DNAJC1: variants seen among roughly 807,000 people sequenced by gnomAD.
DNAJC1 encodes DnaJ heat shock protein family (Hsp40) member C1.
Under a neutral mutation model 76.6 loss-of-function variants are expected in DNAJC1, and 58 were observed. That is an observed-to-expected ratio of 0.76 (90% CI 0.61 to 0.94). DNAJC1 has a LOEUF of 0.94. Among genes scored for constraint, DNAJC1 ranks in the 40% least tolerant of loss-of-function variants. The pLI is 0.00. For missense variants in DNAJC1, 689 were observed against 677.3 expected, an observed-to-expected ratio of 1.02 and a Z score of -0.19; for synonymous variants, 258 against 267.9, an observed-to-expected ratio of 0.96 and a Z score of 0.36.
At chr10:21,897,192 T>A (rs1167276484) in intron 7 of DNAJC1, among the ~76,000 whole-genome samples, 1 of 152,108 alleles carries the variant, frequency 6.6e-6, no homozygotes, top group Admixed American at 6.6e-5. Flanking sequence ...AGATGTAAAA[T>A]TCTTTAACAA....
chr10:21,808,695 G>A (rs1386926448), intron 8 of DNAJC1, among the ~76,000 whole-genome samples: 1 of 152,230 alleles, frequency 6.6e-6, no homozygotes, highest in Non-Finnish European at 1.5e-5. Flanking sequence ...TGGCCATGGT[G>A]TGAATGTACT....
At chr10:21,852,678 G>A (rs945025935) in intron 8 of DNAJC1, among the ~76,000 whole-genome samples, 1 of 151,836 alleles carries the variant, frequency 6.6e-6, no homozygotes, top group African/African-American at 2.4e-5. Flanking sequence ...TTTACCAGAC[G>A]TAAACCATAT....
intron 1 of DNAJC1, among the ~76,000 whole-genome samples, chr10:21,948,651 T>C (rs1837545762): frequency 6.6e-6 from 1 of 152,228 alleles, no homozygotes; most frequent in African/African-American, 2.4e-5. Context: ...TGTTCTATTA[T>C]TATTCCTGTT....
At chr10:21,842,446 T>C (rs990702335) in intron 8 of DNAJC1, among the ~76,000 whole-genome samples, 2 of 152,140 alleles carry the variant, frequency 1.3e-5, no homozygotes, top group African/African-American at 4.8e-5. Flanking sequence ...AGAAGTTTTT[T>C]AAAAAGCGTA....
Position 21,839,130 on chromosome 10 carries a change from T to C in DNAJC1, c.979-33031A>G, listed in dbSNP as rs201199284. ...GTAGAGGGAAATTTCTAGCACTAAA[T>C]GTCCACAAGAGAAAGCAGGAAAGAT... On this transcript the variant is annotated intron_variant, in intron 8 of 11. Coordinates refer to ENST00000376980, the MANE Select transcript of DNAJC1 (RefSeq NM_022365.4). Among the ~76,000 whole-genome samples the C allele has an allele frequency of 2.6e-5, 4 of 152,300 alleles. No individual in the cohort carries two copies. In the East Asian group the frequency reaches 7.7e-4, roughly 29 times the overall value.
At chr10:21,783,694 C>T (rs1488674148) in intron 9 of DNAJC1, among the ~76,000 whole-genome samples, 1 of 152,136 alleles carries the variant, frequency 6.6e-6, no homozygotes, top group Admixed American at 6.5e-5. Context: ...GTACTGATAC[C>T]AAAACAGAGA....
intron 9 of DNAJC1, among the ~76,000 whole-genome samples, chr10:21,779,250 G>A (rs1015687019): frequency 6.6e-6 from 1 of 152,164 alleles, no homozygotes; most frequent in Non-Finnish European, 1.5e-5. Flanking sequence ...GAGAGTAGTG[G>A]TTCTCCCAGA....
chr10:21,780,013 A>C (rs1006000157), intron 9 of DNAJC1, among the ~76,000 whole-genome samples: 2 of 152,204 alleles, frequency 1.3e-5, no homozygotes, highest in East Asian at 3.8e-4. Flanking sequence ...AGATCAAATG[A>C]ACGAAATGAA....
intron 9 of DNAJC1, among the ~76,000 whole-genome samples, chr10:21,797,974 T>C (rs1834767250): frequency 1.3e-5 from 2 of 152,218 alleles, no homozygotes; most frequent in South Asian, 4.1e-4. Context: ...ATGTTTTGTT[T>C]CTTCACATTT....
chr10:21,977,702 C>T (rs542036592), intron 1 of DNAJC1, among the ~76,000 whole-genome samples: 1 of 152,178 alleles, frequency 6.6e-6, no homozygotes, highest in East Asian at 1.9e-4. Flanking sequence ...ACATCCAATA[C>T]ATATTTAAGT....
At chr10:21,845,480 G>A (rs188776002) in intron 8 of DNAJC1, among the ~76,000 whole-genome samples, 152 of 151,434 alleles carry the variant, frequency 1.0e-3, no homozygotes, top group African/African-American at 3.3e-3. Context: ...TTAGCCTCCC[G>A]AGTAGCTGGG....
intron 7 of DNAJC1, among the ~76,000 whole-genome samples, chr10:21,899,550 CA>C (rs139364507): frequency 0.035 from 5,330 of 152,308 alleles, 164 homozygotes; most frequent in African/African-American, 0.069. Flanking sequence ...AAGGATCCCC[CA>C]ACAATGCAGC....
At chr10:21,902,430 G>A (rs911603420) in intron 7 of DNAJC1, among the ~76,000 whole-genome samples, 5 of 151,796 alleles carry the variant, frequency 3.3e-5, no homozygotes, top group South Asian at 4.2e-4. Context: ...TCAGCCTCCC[G>A]AATAGTGGGG....
rs202148715 is a variant in DNAJC1, at chr10:21,886,055, T to TA, written c.821-3617dup. Among the ~76,000 whole-genome samples the TA allele has an allele frequency of 3.2e-3, 478 of 151,518 alleles. 4 individuals carry two copies. The highest frequency in any genetic ancestry group is 0.011 in the African/African-American group (443 of 41,350). ...GATAAACAAATCCAAGAATGGATTT[T>TA]AAAAAAAAATTTAACAAGATAGGTA... On this transcript the variant is annotated intron_variant, in intron 7 of 11. Transcript: ENST00000376980.
intron 9 of DNAJC1, among the ~76,000 whole-genome samples, chr10:21,778,837 C>T (rs1341853618): frequency 1.3e-5 from 2 of 152,214 alleles, no homozygotes; most frequent in Non-Finnish European, 2.9e-5. Flanking sequence ...AGGGAATTCC[C>T]TTTCCTAGCC....
Position 21,851,980 on chromosome 10 carries a change from G to A in DNAJC1, c.978+30302C>T, listed in dbSNP as rs1011934521. ...AGGCAGGAGAATGGTGTGAACCCGG[G>A]AGGCGGAGCTTGCAGTGAGCCGAGA... On this transcript the variant is annotated intron_variant, in intron 8 of 11. Coordinates refer to ENST00000376980, the MANE Select transcript of DNAJC1 (RefSeq NM_022365.4). Among the ~76,000 whole-genome samples, 37 of 152,026 alleles carry A rather than the reference G, an allele frequency of 2.4e-4. 1 individual carries two copies. The highest frequency in any genetic ancestry group is 7.9e-4 in the Admixed American group (12 of 15,270).
intron 3 of DNAJC1, among the ~76,000 whole-genome samples, chr10:21,923,036 T>C (rs1837063116): frequency 6.6e-6 from 1 of 151,992 alleles, no homozygotes; most frequent in African/African-American, 2.4e-5. Context: ...CTGAAAGTGC[T>C]ATGTGTCTGT....
At chr10:21,769,357 ACATATTCCT>A (rs1834344960) in intron 9 of DNAJC1, among the ~76,000 whole-genome samples, 1 of 152,220 alleles carries the variant, frequency 6.6e-6, no homozygotes, top group Admixed American at 6.5e-5. Flanking sequence ...GTGTGTGTGC[ACATATTCCT>A]CACAGTAGCA....
intron 1 of DNAJC1, among the ~76,000 whole-genome samples, chr10:21,948,160 G>A (rs1837536660): frequency 7.0e-6 from 1 of 143,206 alleles, no homozygotes; most frequent in African/African-American, 2.6e-5. Flanking sequence ...GCACAATCTT[G>A]GCTCACTGCA....
Sources: gnomAD v4.1 joint callset for allele counts (sites outside exome capture counted in the v4.1 genomes callset) on GRCh38, gnomAD v4.1.1 for gene constraint, MANE v1.5 for transcripts, NCBI Gene and HGNC (gene_info 2026-07-23, HGNC 2026-07-21) for gene names.